DAZAP1: variants seen among roughly 807,000 people sequenced by gnomAD.
DAZAP1 encodes DAZ associated protein 1.
DAZAP1 carries 6 observed loss-of-function variants against 60.1 expected under a neutral mutation model. The observed-to-expected ratio is 0.10, with a 90% CI of 0.05 to 0.20. DAZAP1 has a LOEUF of 0.20. Ranked by LOEUF, DAZAP1 falls within the 10% of genes least tolerant of loss-of-function variation. The pLI is 1.00. For synonymous variants in DAZAP1, 235 were observed against 215.9 expected (o/e 1.09, Z -0.78); for missense variants, 366 against 560.4 (o/e 0.65, Z 3.50).
chr19:1,413,989 C>CTGTGTGTGTGTGTGTGTGTGTG (rs3065755), intron 1 of DAZAP1, among the ~76,000 whole-genome samples: 3 of 130,066 alleles, frequency 2.3e-5, no homozygotes, highest in African/African-American at 3.0e-5. Flanking sequence ...CCCCAGTGAA[C>CTGTGTGTGTGTGTGTGTGTGTG]TGTGTGTGTG....
chr19:1,412,612 C>T (rs899341781), intron 1 of DAZAP1, among the ~76,000 whole-genome samples: 22 of 152,350 alleles, frequency 1.4e-4, no homozygotes, highest in Non-Finnish European at 2.9e-4. Flanking sequence ...CACTCTGGTG[C>T]TGCCAGGAGG....
At chr19:1,427,480 G>A (rs1156867890) in intron 7 of DAZAP1, 6 of 152,290 alleles carry the variant, frequency 3.9e-5, no homozygotes. Context: ...GGCCCCTCAT[G>A]GGGGTTTTCC....
intron 10 of DAZAP1, among the ~76,000 whole-genome samples, chr19:1,431,147 G>T (rs1600245876): frequency 2.7e-5 from 4 of 148,542 alleles, no homozygotes; most frequent in Non-Finnish European, 6.0e-5. Context: ...GTTTTTTTTT[G>T]AGATGGAGTC....
At position 1,407,866 on chromosome 19, in the gene DAZAP1, C is replaced by A. The variant is rs2082709146; in HGVS notation, c.29+64C>A. 4.8e-6 allele frequency: 5 copies of A among 1,042,978 alleles called. No homozygotes were observed. In the African/African-American group the frequency reaches 5.2e-5, roughly 11 times the overall value. 64.6% of individuals were successfully genotyped at this position (1,042,978 alleles called of 1,614,324 possible). On this transcript the variant is annotated intron_variant, in intron 1 of 11. Transcript: ENST00000233078. ...GCCCGGCCCGCCGCTCCCCGCCGCCCGGCCTCAGACGCCGCCCCCCGGGGC... is the reference window on the plus strand; with the variant it reads ...GCCCGGCCCGCCGCTCCCCGCCGCCAGGCCTCAGACGCCGCCCCCCGGGGC...
rs931027632 is a variant in DAZAP1, at chr19:1,410,205, G to A, written c.29+2403G>A. ...GCTTGATGGGGGATGAAAGTCAGCTGAGGCCTGCCGGTGATAACGGATGCC... is the reference window on the plus strand; with the variant it reads ...GCTTGATGGGGGATGAAAGTCAGCTAAGGCCTGCCGGTGATAACGGATGCC... On this transcript the variant is annotated intron_variant, in intron 1 of 11. Transcript: ENST00000233078. 7 of 152,412 alleles carry A rather than the reference G, an allele frequency of 4.6e-5. No individual in the cohort carries two copies. The South Asian group carries it at 6.2e-4, about 14-fold the overall frequency. 9.4% of individuals were successfully genotyped at this position (152,412 alleles called of 1,614,324 possible).
chr19:1,429,058 T>G, intron 8 of DAZAP1, 63 bp downstream of exon 8: 4 of 1,488,314 alleles, frequency 2.7e-6, no homozygotes, highest in Middle Eastern at 2.5e-4. Context: ...CCGCGCGCCC[T>G]GGGCTGTGCC....
Position 1,418,936 on chromosome 19 carries a change from A to AGGGAAAAAAAAAAT in DAZAP1, c.303+207_303+220dup, listed in dbSNP as rs2083067704. On this transcript the variant is annotated intron_variant, in intron 4 of 11. Coordinates refer to ENST00000233078, the MANE Select transcript of DAZAP1 (RefSeq NM_018959.4). This position sits in a 1 kb window ranked among gnomAD's most constrained non-coding sequence, Gnocchi z 5.7. ...AAGAAAATTCTTACTAATCTATCTT[A>AGGGAAAAAAAAAAT]GGGAAAAAAAAAATGACAGCTCATG... 6.6e-6 allele frequency among the ~76,000 whole-genome samples: 1 copy of AGGGAAAAAAAAAAT among 151,884 alleles called. No individual in the cohort carries two copies. The highest frequency in any genetic ancestry group is 2.4e-5 in the African/African-American group (1 of 41,264).
At chr19:1,412,179 C>A (rs574748167) in intron 1 of DAZAP1, among the ~76,000 whole-genome samples, 21 of 152,252 alleles carry the variant, frequency 1.4e-4, no homozygotes, top group Non-Finnish European at 2.1e-4. Flanking sequence ...CTCCTGTGTT[C>A]TGTGGACCCC....
chr19:1,412,224 T>C (rs1226065322), intron 1 of DAZAP1, among the ~76,000 whole-genome samples: 1 of 152,086 alleles, frequency 6.6e-6, no homozygotes, highest in African/African-American at 2.4e-5. Context: ...GGGGGGCATC[T>C]GACCCTGCTG....
chr19:1,434,362 C>T lies in DAZAP1; in HGVS notation c.1049-375C>T, dbSNP rs1264002526. The T allele has an allele frequency of 2.2e-5, 5 of 223,182 alleles. No individual in the cohort carries two copies. Among genetic ancestry groups the T allele is most frequent in the Admixed American group, 5.3e-5 (1 of 18,990 alleles). 13.8% of individuals were successfully genotyped at this position (223,182 alleles called of 1,614,324 possible). ...CAGGGGTTTTCTGAAACTCCGAGAG[C>T]CAGCTTTCTAGAAGCCTGGTCCACC... On this transcript the variant is annotated intron_variant, in intron 11 of 11. Transcript: ENST00000233078. The surrounding 1 kb of genome is among the most constrained non-coding windows in gnomAD (Gnocchi z 8.0).
At chr19:1,409,136 G>C (rs944738962) in intron 1 of DAZAP1, among the ~76,000 whole-genome samples, 1 of 152,238 alleles carries the variant, frequency 6.6e-6, no homozygotes, top group South Asian at 2.1e-4. Flanking sequence ...CCCCTGCCTA[G>C]CCCGTGCTGT....
rs200309834 is a variant in DAZAP1 at position 1,425,869 on chromosome 19, G to A, written c.464-9G>A. 6 of 1,598,348 alleles carry A rather than the reference G, an allele frequency of 3.8e-6. No individual in the cohort carries two copies. Among genetic ancestry groups the A allele is most frequent in the African/African-American group, 1.3e-5 (1 of 74,678 alleles). The stretch of plus-strand genomic sequence containing the variant: ...CTGCTACCTTGATTCACTCTTCGTC[G>A]TTGGCTAGGTTTTGGATTTATTACT... On this transcript the variant is annotated splice_polypyrimidine_tract_variant and intron_variant, in intron 6 of 11. Coordinates refer to ENST00000233078, the MANE Select transcript of DAZAP1 (RefSeq NM_018959.4). This position sits in a 1 kb window ranked among gnomAD's most constrained non-coding sequence, Gnocchi z 5.4.
chr19:1,429,874 C>G (rs1295402968), intron 8 of DAZAP1, 93 bp from the exon 9 acceptor site: 17 of 1,508,622 alleles, frequency 1.1e-5, no homozygotes, highest in African/African-American at 2.8e-5. Flanking sequence ...CGGGGTTGGT[C>G]CCAGCCCTTG....
intron 1 of DAZAP1, among the ~76,000 whole-genome samples, chr19:1,415,027 G>T (rs555113310): frequency 1.2e-4 from 18 of 152,012 alleles, no homozygotes; most frequent in African/African-American, 3.6e-4. Context: ...CTGGCCTCCC[G>T]TAATGCTGTG....
chr19:1,418,759 T>C lies in DAZAP1; in HGVS notation c.303+28T>C, dbSNP rs1184277901. ...AAGGGGCTGGGCCGGGCGGCCTCCTTGTGTGTTCTCCACTCCACGTGGAAA... is the reference window on the plus strand; with the variant it reads ...AAGGGGCTGGGCCGGGCGGCCTCCTCGTGTGTTCTCCACTCCACGTGGAAA... On this transcript the variant is annotated intron_variant, in intron 4 of 11. Transcript: ENST00000233078. The surrounding 1 kb of genome is among the most constrained non-coding windows in gnomAD (Gnocchi z 5.7). 6.4e-7 allele frequency: 1 copy of C among 1,573,152 alleles called. No individual in the cohort carries two copies. The highest frequency in any genetic ancestry group is 2.3e-5 in the East Asian group (1 of 43,928).
At chr19:1,421,976 C>T (rs757548873) in intron 5 of DAZAP1, among the ~76,000 whole-genome samples, 22 of 152,196 alleles carry the variant, frequency 1.4e-4, no homozygotes, top group Non-Finnish European at 2.5e-4. Flanking sequence ...TTGCTTCCCG[C>T]GTTTGGGTGG....
chr19:1,413,250 G>A (rs1009584211), intron 1 of DAZAP1, among the ~76,000 whole-genome samples: 8 of 152,214 alleles, frequency 5.3e-5, no homozygotes, highest in African/African-American at 1.4e-4. Context: ...GCCTCTGCCC[G>A]CGCCCGGCTT....
At chr19:1,407,881 C>G in intron 1 of DAZAP1, 79 bp downstream of exon 1, 1 of 1,020,072 alleles carries the variant, frequency 9.8e-7, no homozygotes, top group Non-Finnish European at 1.2e-6. Flanking sequence ...TCAGACGCCG[C>G]CCCCCGGGGC....
In DAZAP1 at chr19:1,435,640, G is replaced by A. The variant is rs1310291338; in HGVS notation, c.*728G>A. The A allele has an allele frequency of 6.6e-6, 1 of 152,294 alleles. No individual in the cohort carries two copies. Among genetic ancestry groups the A allele is most frequent in the Admixed American group, 6.5e-5 (1 of 15,288 alleles). The allele number at this position is 152,294 out of a possible 1,614,324, so 9.4% of individuals were successfully genotyped here. A position where few individuals can be genotyped will look rare whatever the true frequency, so the allele number is the denominator to read the frequency against. On this transcript the variant is annotated 3_prime_UTR_variant, in exon 12 of 12. Transcript: ENST00000233078. ...GCTTCAGGGCGTTTCCCATTGACCA[G>A]TTTGACCCTGGTTTGAATAAAGAGA... is the stretch of plus-strand genomic sequence containing the variant.
Sources: gnomAD v4.1 joint callset for allele counts (sites outside exome capture counted in the v4.1 genomes callset) on GRCh38, gnomAD v4.1.1 for gene constraint, Gnocchi (gnomAD v3.1) non-coding constraint, MANE v1.5 for transcripts, NCBI Gene and HGNC (gene_info 2026-07-23, HGNC 2026-07-21) for gene names.